The following DGKH variants were observed in gnomAD, a reference collection of about 807,000 sequenced individuals.
The protein encoded by DGKH is diacylglycerol kinase eta.
Under a neutral mutation model 159.3 loss-of-function variants are expected in DGKH, and 90 were observed. The ratio of observed to expected loss-of-function variants is 0.57; its 90% CI spans 0.48 to 0.67. The LOEUF is 0.67. Ranked by LOEUF, DGKH falls within the 30% of genes least tolerant of loss-of-function variation. DGKH has a pLI of 0.00. For synonymous variants in DGKH, 536 were observed against 553.8 expected, an observed-to-expected ratio of 0.97 and a Z score of 0.45; for missense variants, 1,181 against 1,506.1, an observed-to-expected ratio of 0.78 and a Z score of 3.57.
intron 3 of DGKH, among the ~76,000 whole-genome samples, chr13:42,149,564 G>A (rs766448522): frequency 2.2e-4 from 34 of 152,178 alleles, no homozygotes; most frequent in Non-Finnish European, 3.7e-4. Context: ...ATGAATGAAC[G>A]GATGGATTCA....
chr13:42,187,304 A>G (rs1485775747), intron 14 of DGKH, among the ~76,000 whole-genome samples, 156 bp downstream of exon 14: 4 of 152,212 alleles, frequency 2.6e-5, no homozygotes, highest in Non-Finnish European at 5.9e-5. Context: ...TTTAAAAAAT[A>G]TTCTATTTTA....
intron 1 of DGKH, 49 bp from the exon 2 acceptor site, chr13:42,127,414 G>T (rs749854131): frequency 7.3e-7 from 1 of 1,374,852 alleles, no homozygotes; most frequent in Non-Finnish European, 1.0e-6. Flanking sequence ...ATTTCATTTG[G>T]TTTTGAATTT....
intron 7 of DGKH, among the ~76,000 whole-genome samples, chr13:42,165,097 A>G (rs9525588): frequency 0.48 from 73,420 of 151,822 alleles, 18,660 homozygotes; most frequent in Non-Finnish European, 0.58. Flanking sequence ...CATTAACTAT[A>G]TATTCCTCTC....
At chr13:42,215,530 C>A in intron 25 of DGKH, 45 bp from the exon 26 acceptor site, 1 of 1,373,812 alleles carries the variant, frequency 7.3e-7, no homozygotes, top group Non-Finnish European at 1.0e-6. Flanking sequence ...TAATGAAATC[C>A]TATTTTAATA....
At chr13:42,129,849 T>G (rs1955253341) in intron 3 of DGKH, among the ~76,000 whole-genome samples, 1 of 152,242 alleles carries the variant, frequency 6.6e-6, no homozygotes, top group African/African-American at 2.4e-5. Context: ...AAAAATTTTA[T>G]AATTTTTCCC....
chr13:42,125,147 C>T (rs1044047728), intron 1 of DGKH, among the ~76,000 whole-genome samples: 1 of 152,162 alleles, frequency 6.6e-6, no homozygotes, highest in Admixed American at 6.5e-5. Flanking sequence ...AAGCACACTC[C>T]CTGTTGTGTC....
chr13:42,136,604 A>G (rs147466049), intron 3 of DGKH, among the ~76,000 whole-genome samples: 44 of 152,322 alleles, frequency 2.9e-4, no homozygotes, highest in African/African-American at 1.1e-3. Flanking sequence ...TTGCTAGAGA[A>G]AGTAGCATGT....
chr13:42,227,339 A>T (rs1958158498), intron 29 of DGKH, among the ~76,000 whole-genome samples: 1 of 152,246 alleles, frequency 6.6e-6, no homozygotes. Context: ...TTTTATACCA[A>T]AATAGTAATT....
At chr13:42,077,134 T>C (rs1400608581) in intron 1 of DGKH, among the ~76,000 whole-genome samples, 1 of 152,184 alleles carries the variant, frequency 6.6e-6, no homozygotes, top group Non-Finnish European at 1.5e-5. Context: ...ATATTTGTAA[T>C]AATTCTTCCA....
chr13:42,197,757 C>T (rs1024761955), intron 17 of DGKH, among the ~76,000 whole-genome samples: 7 of 152,048 alleles, frequency 4.6e-5, no homozygotes, highest in Non-Finnish European at 8.8e-5. Flanking sequence ...CTAATTTCCT[C>T]GTGTTTCCCT....
intron 13 of DGKH, among the ~76,000 whole-genome samples, chr13:42,184,125 CACAAAGACAGCTAGAG>C (rs1199535566): frequency 2.0e-5 from 3 of 152,080 alleles, no homozygotes; most frequent in African/African-American, 7.2e-5. Flanking sequence ...TTCCTCAGAG[CACAAAGACAGCTAGAG>C]ACAAAGATAG....
intron 1 of DGKH, among the ~76,000 whole-genome samples, chr13:42,113,128 C>T (rs1954897621): frequency 6.6e-6 from 1 of 152,112 alleles, no homozygotes; most frequent in Non-Finnish European, 1.5e-5. Flanking sequence ...GGGGGCAGAG[C>T]TTCCTAAAAA....
Position 42,159,263 on chromosome 13 carries a change from T to TTTTTTTTTTTTG in DGKH, c.623-3_623-2insTTTTTTTTTTTG. On this transcript the variant is annotated splice_polypyrimidine_tract_variant and splice_region_variant and intron_variant, in intron 5 of 29. Coordinates refer to ENST00000337343, the MANE Select transcript of DGKH (RefSeq NM_178009.5). Reference sequence around the variant, plus strand: ...GTTGCTCTTTTTTTTTTTTTTTTTTTAGTGTGTAAATTCAAGGCTCACAAA... The same window carrying TTTTTTTTTTTTG: ...GTTGCTCTTTTTTTTTTTTTTTTTTTTTTTTTTTTTTGAGTGTGTAAATTCAAGGCTCACAAA... The TTTTTTTTTTTTG allele has an allele frequency of 8.0e-7, 1 of 1,249,720 alleles. No homozygotes were observed. The highest frequency in any genetic ancestry group is 1.1e-6 in the Non-Finnish European group (1 of 894,574). The allele number at this position is 1,249,720 out of a possible 1,614,324, so 77.4% of individuals were successfully genotyped here.
intron 1 of DGKH, among the ~76,000 whole-genome samples, chr13:42,081,558 G>A (rs1954200813): frequency 6.6e-6 from 1 of 152,086 alleles, no homozygotes; most frequent in African/African-American, 2.4e-5. Flanking sequence ...AATTATCTTT[G>A]TATATATCAG....
At chr13:42,116,557 C>T (rs1246673442) in intron 1 of DGKH, among the ~76,000 whole-genome samples, 1 of 152,174 alleles carries the variant, frequency 6.6e-6, no homozygotes, top group Admixed American at 6.5e-5. Flanking sequence ...AAGCCAGCAT[C>T]GCATATGAAA....
At chr13:42,109,737 C>T (rs75732304) in intron 1 of DGKH, among the ~76,000 whole-genome samples, 2,495 of 152,058 alleles carry the variant, frequency 0.016, 61 homozygotes, top group East Asian at 0.083. Context: ...CATCTCTGAC[C>T]ATTTCTTGGT....
At chr13:42,049,074 AAGG>A (rs1566074097) in intron 1 of DGKH, 109 bp downstream of exon 1, 2 of 278,932 alleles carry the variant, frequency 7.2e-6, no homozygotes, top group Non-Finnish European at 9.6e-6. Flanking sequence ...GAAGGCGGGG[AAGG>A]CGGGGAAGGC....
chr13:42,249,426 A>ACAAC (rs1958604350), intron 29 of DGKH, among the ~76,000 whole-genome samples: 1 of 152,170 alleles, frequency 6.6e-6, no homozygotes, highest in South Asian at 2.1e-4. Context: ...AAACAAACAA[A>ACAAC]CAAACAAAAA....
At chr13:42,194,026 C>G (rs1490912027) in intron 16 of DGKH, among the ~76,000 whole-genome samples, 1 of 152,188 alleles carries the variant, frequency 6.6e-6, no homozygotes, top group African/African-American at 2.4e-5. Context: ...ATGTATTGAG[C>G]TTTTACAAGA....
Sources: gnomAD v4.1 joint callset for allele counts (sites outside exome capture counted in the v4.1 genomes callset) on GRCh38, gnomAD v4.1.1 for gene constraint, MANE v1.5 for transcripts, NCBI Gene and HGNC (gene_info 2026-07-23, HGNC 2026-07-21) for gene names.